The following PLXDC2 variants were observed in gnomAD, a reference collection of about 807,000 sequenced individuals.
The protein encoded by PLXDC2 is plexin domain-containing protein 2.
In PLXDC2, 40 loss-of-function variants were observed where a neutral mutation model predicts 68.9. The observed-to-expected ratio is 0.58, with a 90% CI of 0.45 to 0.76. PLXDC2 has a LOEUF of 0.76. Among genes scored for constraint, PLXDC2 ranks in the 30% least tolerant of loss-of-function variants. PLXDC2 has a pLI of 0.00. For missense variants in PLXDC2, 644 were observed against 661.9 expected, an observed-to-expected ratio of 0.97 and a Z score of 0.30; for synonymous variants, 243 against 234.2, an observed-to-expected ratio of 1.04 and a Z score of -0.34.
At chr10:20,080,773 G>A (rs567421038) in intron 4 of PLXDC2, among the ~76,000 whole-genome samples, 61 of 152,236 alleles carry the variant, frequency 4.0e-4, no homozygotes, top group African/African-American at 1.4e-3. Flanking sequence ...CAATCAAGTT[G>A]ACCCCATCAC....
intron 2 of PLXDC2, among the ~76,000 whole-genome samples, chr10:20,033,469 C>T (rs1306477192): frequency 6.6e-6 from 1 of 152,136 alleles, no homozygotes; most frequent in Non-Finnish European, 1.5e-5. Flanking sequence ...AGTCTGCTCT[C>T]ATGCTACTAA....
chr10:20,080,428 C>A (rs1171119362), intron 4 of PLXDC2, among the ~76,000 whole-genome samples: 2 of 152,146 alleles, frequency 1.3e-5, no homozygotes, highest in African/African-American at 2.4e-5. Flanking sequence ...GGGAAGCCAA[C>A]AGTGTAGTCT....
intron 9 of PLXDC2, among the ~76,000 whole-genome samples, chr10:20,211,433 G>T (rs988176494): frequency 1.3e-5 from 2 of 152,162 alleles, no homozygotes; most frequent in African/African-American, 4.8e-5. Context: ...TGCTTTAACA[G>T]TGATTTGGTT....
chr10:20,043,850 A>G (rs1835728842), intron 2 of PLXDC2, among the ~76,000 whole-genome samples: 1 of 151,988 alleles, frequency 6.6e-6, no homozygotes, highest in African/African-American at 2.4e-5. Flanking sequence ...TTTTCAGTGA[A>G]TGATATAAAG....
intron 6 of PLXDC2, among the ~76,000 whole-genome samples, chr10:20,164,105 TAGTA>T (rs1457662696): frequency 2.0e-5 from 3 of 152,104 alleles, no homozygotes; most frequent in East Asian, 3.9e-4. Flanking sequence ...AGAAAACAAA[TAGTA>T]AGAGGAAAAT....
intron 1 of PLXDC2, among the ~76,000 whole-genome samples, chr10:19,931,952 A>AGTGT (rs33953625): frequency 0.067 from 10,087 of 149,694 alleles, 889 homozygotes; most frequent in African/African-American, 0.2. Flanking sequence ...TAATTTGGGA[A>AGTGT]GTGTGTGTGT....
chr10:20,089,679 G>A (rs917282268), intron 4 of PLXDC2, among the ~76,000 whole-genome samples: 10 of 152,158 alleles, frequency 6.6e-5, no homozygotes, highest in Non-Finnish European at 1.2e-4. Flanking sequence ...TTCCTAGTTT[G>A]ATTAAAAAAC....
chr10:20,055,714 A>G (rs1220003063), intron 3 of PLXDC2, among the ~76,000 whole-genome samples: 1 of 152,078 alleles, frequency 6.6e-6, no homozygotes, highest in Non-Finnish European at 1.5e-5. Context: ...ACAGATTGGG[A>G]TAAGTTGTAT....
At chr10:20,050,061 C>T (rs935125413) in intron 3 of PLXDC2, among the ~76,000 whole-genome samples, 1 of 151,926 alleles carries the variant, frequency 6.6e-6, no homozygotes, top group African/African-American at 2.4e-5. Flanking sequence ...AGGCCACATA[C>T]CTATGACCAT....
At chr10:20,038,955 C>T (rs186587131) in intron 2 of PLXDC2, among the ~76,000 whole-genome samples, 9 of 152,236 alleles carry the variant, frequency 5.9e-5, no homozygotes, top group South Asian at 2.1e-4. Context: ...AAGACCCCTA[C>T]CTTTTTCTGT....
At chr10:20,215,414 C>T (rs879938097) in intron 10 of PLXDC2, among the ~76,000 whole-genome samples, 13 of 152,050 alleles carry the variant, frequency 8.5e-5, no homozygotes, top group Admixed American at 1.3e-4. Flanking sequence ...AATATGACTG[C>T]GTATGAATGG....
chr10:20,066,238 A>T (rs6482080), intron 3 of PLXDC2, among the ~76,000 whole-genome samples: 54,336 of 152,038 alleles, frequency 0.36, 11,256 homozygotes, highest in East Asian at 0.7. Context: ...CCCTTTGAAG[A>T]TCTATTTGTC....
intron 1 of PLXDC2, among the ~76,000 whole-genome samples, chr10:19,913,923 C>T (rs1228824715): frequency 6.6e-6 from 1 of 152,020 alleles, no homozygotes. Context: ...AAAACACAGA[C>T]ACACACACAG....
intron 9 of PLXDC2, among the ~76,000 whole-genome samples, chr10:20,181,899 T>G (rs1680440702): frequency 6.6e-6 from 1 of 151,934 alleles, no homozygotes; most frequent in Admixed American, 6.6e-5. Flanking sequence ...GAGTTTTTGT[T>G]GGTTTGTTTA....
chr10:20,050,479 T>C (rs187440867), intron 3 of PLXDC2, among the ~76,000 whole-genome samples: 113 of 152,242 alleles, frequency 7.4e-4, no homozygotes, highest in Middle Eastern at 3.4e-3. Context: ...AAAGGTCTAA[T>C]ATCCAGCATC....
intron 11 of PLXDC2, among the ~76,000 whole-genome samples, chr10:20,218,278 C>T (rs1320304604): frequency 6.6e-6 from 1 of 151,970 alleles, no homozygotes; most frequent in East Asian, 1.9e-4. Context: ...ATAAATGGGT[C>T]TTACTTGTTT....
intron 2 of PLXDC2, among the ~76,000 whole-genome samples, chr10:20,044,614 A>G (rs1319374382): frequency 2.0e-5 from 3 of 151,686 alleles, no homozygotes; most frequent in East Asian, 1.9e-4. Context: ...CCAGCCTGCA[A>G]TTCTTTCTTT....
chr10:20,152,249 G>T (rs1453715279), intron 6 of PLXDC2, among the ~76,000 whole-genome samples: 1 of 152,086 alleles, frequency 6.6e-6, no homozygotes, highest in Non-Finnish European at 1.5e-5. Context: ...TTGAAATAGG[G>T]AAGTACAACT....
At chr10:20,045,262 G>T (rs959673670) in intron 2 of PLXDC2, among the ~76,000 whole-genome samples, 1 of 151,986 alleles carries the variant, frequency 6.6e-6, no homozygotes, top group Admixed American at 6.6e-5. Context: ...ACCTCTGCCT[G>T]CAGAGTTAAG....
Sources: allele counts gnomAD v4.1 joint callset (sites outside exome capture counted in the v4.1 genomes callset), GRCh38; gene constraint gnomAD v4.1.1; transcripts MANE v1.5; gene names NCBI Gene and HGNC (gene_info 2026-07-23, HGNC 2026-07-21).